Variants in CRB1 observed in about 807,000 individuals in gnomAD.
CRB1 encodes the protein protein crumbs homolog 1.
In CRB1, 83 loss-of-function variants were observed where a neutral mutation model predicts 120.0. The ratio of observed to expected loss-of-function variants is 0.69; its 90% CI spans 0.58 to 0.83. The LOEUF (loss-of-function observed/expected upper bound fraction) is 0.83, where lower values mean the gene tolerates loss of function less well. CRB1 is among the 40% of genes least tolerant of loss of function. The pLI, the probability that CRB1 is intolerant of heterozygous loss-of-function variation, is 0.00. For synonymous variants in CRB1, 625 were observed against 612.5 expected, an observed-to-expected ratio of 1.02 and a Z score of -0.30; for missense variants, 1,699 against 1,687.6, an observed-to-expected ratio of 1.01 and a Z score of -0.12.
At chr1:197,471,357 G>A (rs1238491630) in intron 11 of CRB1, among the ~76,000 whole-genome samples, 2 of 152,186 alleles carry the variant, frequency 1.3e-5, no homozygotes, top group African/African-American at 4.8e-5. Flanking sequence ...CTTGGAGGGG[G>A]CCGTAGCTCA....
intron 5 of CRB1, among the ~76,000 whole-genome samples, chr1:197,389,068 G>A (rs1662360206): frequency 6.6e-6 from 1 of 152,106 alleles, no homozygotes; most frequent in Non-Finnish European, 1.5e-5. Context: ...ATCAAGTGTT[G>A]GTGAGGATGT....
chr1:197,279,846 T>TTA lies in CRB1; in HGVS notation c.70+11365_70+11366insAT, dbSNP rs528349242. 2.2e-3 allele frequency among the ~76,000 whole-genome samples: 338 copies of TTA among 151,764 alleles called. 3 individuals are homozygous for TTA. The highest frequency in any genetic ancestry group is 7.8e-3 in the African/African-American group (324 of 41,432). On this transcript the variant is annotated intron_variant, in intron 1 of 11. Transcript: ENST00000367400. The stretch of plus-strand genomic sequence containing the variant: ...TACATCTCTAAAGCCTTTTTTTTTT[T>TTA]TTAAATTAGAGGAGTCTATGATTCA...
At chr1:197,276,330 T>A (rs1252679214) in intron 1 of CRB1, among the ~76,000 whole-genome samples, 5 of 151,984 alleles carry the variant, frequency 3.3e-5, no homozygotes, top group Admixed American at 3.3e-4. Flanking sequence ...GTCCCTAGCC[T>A]TAAGATAGGA....
At chr1:197,394,346 A>G (rs1571462627) in intron 5 of CRB1, among the ~76,000 whole-genome samples, 1 of 152,044 alleles carries the variant, frequency 6.6e-6, no homozygotes, top group East Asian at 1.9e-4. Flanking sequence ...TAACATGCAA[A>G]ATATGTGTTA....
the CRB1 span, among the ~76,000 whole-genome samples, chr1:197,231,254 T>G: frequency 1.3e-5 from 2 of 152,230 alleles, no homozygotes; most frequent in African/African-American, 2.4e-5. Flanking sequence ...CTCATAAAAT[T>G]ATTTTTAGGG....
At chr1:197,239,345 T>G in the CRB1 span, among the ~76,000 whole-genome samples, 1 of 152,136 alleles carries the variant, frequency 6.6e-6, no homozygotes, top group Non-Finnish European at 1.5e-5. Flanking sequence ...AATTACACAC[T>G]TGTCTATTTG....
chr1:197,341,301 G>A (rs928176978), intron 2 of CRB1, among the ~76,000 whole-genome samples: 49 of 152,264 alleles, frequency 3.2e-4, no homozygotes, highest in African/African-American at 1.1e-3. Flanking sequence ...CCAGCACTTT[G>A]GGAGGCTGAG....
At chr1:197,215,275 A>ATT in the CRB1 span, among the ~76,000 whole-genome samples, 554 of 131,032 alleles carry the variant, frequency 4.2e-3, 2 homozygotes, top group Non-Finnish European at 6.6e-3. Context: ...CCAGTGGGAG[A>ATT]TTTTTTTTTT....
chr1:197,363,118 A>C (rs1430263685), intron 5 of CRB1, among the ~76,000 whole-genome samples: 1 of 140,406 alleles, frequency 7.1e-6, no homozygotes, highest in African/African-American at 2.6e-5. Flanking sequence ...AAGTATAGGA[A>C]TTTCACTTCT....
At chr1:197,276,195 A>G (rs929135121) in intron 1 of CRB1, among the ~76,000 whole-genome samples, 1 of 151,902 alleles carries the variant, frequency 6.6e-6, no homozygotes, top group East Asian at 1.9e-4. Flanking sequence ...GCTGTATCCC[A>G]TACTGCTGTA....
At chr1:197,459,867 G>C (rs562830773) in intron 11 of CRB1, among the ~76,000 whole-genome samples, 1 of 152,164 alleles carries the variant, frequency 6.6e-6, no homozygotes, top group African/African-American at 2.4e-5. Flanking sequence ...TTCCTGAGCA[G>C]ATTTTTTTGG....
Position 197,435,611 on chromosome 1 carries a change from A to C in CRB1, c.3748A>C (p.Arg1250=), listed in dbSNP as rs1301232500. ...CFGNFTGKFC[R]QSRLPSTVCG... ...TGGAAATTTTACAGGAAAATTTTGCAGGTGAGCATAAAGTCCATATGAAGC... is the reference window on the plus strand; with the variant it reads ...TGGAAATTTTACAGGAAAATTTTGCCGGTGAGCATAAAGTCCATATGAAGC... Residue 1250 remains arginine, a splice_region_variant and synonymous_variant, in exon 9 of 12, where the codon AGA becomes CGA. Coordinates refer to ENST00000367400, the MANE Select transcript of CRB1 (RefSeq NM_201253.3). The C allele has an allele frequency of 6.2e-7, 1 of 1,610,190 alleles. No individual in the cohort carries two copies. The highest frequency in any genetic ancestry group is 1.3e-5 in the African/African-American group (1 of 74,836).
chr1:197,368,154 G>A (rs1366133031), intron 5 of CRB1, among the ~76,000 whole-genome samples: 3 of 152,136 alleles, frequency 2.0e-5, no homozygotes, highest in Non-Finnish European at 2.9e-5. Context: ...ATTTTCAATA[G>A]AATTTTTTCA....
At chr1:197,328,282 C>T (rs999558466) in intron 1 of CRB1, 140 bp from the exon 2 acceptor site, 23 of 659,914 alleles carry the variant, frequency 3.5e-5, no homozygotes, top group Middle Eastern at 4.1e-4. Flanking sequence ...ATGTAGATGA[C>T]GTAGTTTTTT....
chr1:197,370,923 T>C (rs892759744), intron 5 of CRB1, among the ~76,000 whole-genome samples: 2 of 152,200 alleles, frequency 1.3e-5, no homozygotes, highest in African/African-American at 4.8e-5. Context: ...CCAATGACTG[T>C]GACTGCCATG....
At chr1:197,298,474 G>C (rs1192611225) in intron 1 of CRB1, among the ~76,000 whole-genome samples, 1 of 152,122 alleles carries the variant, frequency 6.6e-6, no homozygotes, top group African/African-American at 2.4e-5. Context: ...CCTTTAAGTA[G>C]TAGTTTTCTC....
intron 2 of CRB1, among the ~76,000 whole-genome samples, chr1:197,336,383 AAAT>A (rs1046244113): frequency 3.3e-5 from 5 of 152,206 alleles, no homozygotes; most frequent in Non-Finnish European, 7.3e-5. Flanking sequence ...TGGTCATGGG[AAAT>A]AATTTGAGGA....
chr1:197,379,314 T>C (rs1661813482), intron 5 of CRB1, among the ~76,000 whole-genome samples: 2 of 152,164 alleles, frequency 1.3e-5, no homozygotes, highest in African/African-American at 4.8e-5. Context: ...TTTCCTTTTT[T>C]TTTGAGATGG....
At chr1:197,222,781 A>G in the CRB1 span, 3 of 1,217,450 alleles carry the variant, frequency 2.5e-6, no homozygotes, top group South Asian at 1.2e-5. Flanking sequence ...CAAGTGCTAC[A>G]TGATATTTCA....
Sources: gnomAD v4.1 joint callset for allele counts (sites outside exome capture counted in the v4.1 genomes callset) on GRCh38, gnomAD v4.1.1 for gene constraint, MANE v1.5 for transcripts, NCBI Gene and HGNC (gene_info 2026-07-23, HGNC 2026-07-21) for gene names.